PLCL1: variants seen among roughly 807,000 people sequenced by gnomAD.
PLCL1 encodes phospholipase C like 1 (inactive).
A neutral mutation model predicts 84.4 loss-of-function variants in PLCL1; 41 were observed. The ratio of observed to expected loss-of-function variants is 0.49; its 90% CI spans 0.38 to 0.63. The LOEUF is 0.63. PLCL1 is among the 30% of genes least tolerant of loss of function. PLCL1 has a pLI of 0.00. For synonymous variants in PLCL1, 490 were observed against 488.3 expected, an observed-to-expected ratio of 1.00 and a Z score of -0.05; for missense variants, 1,206 against 1,367.8, an observed-to-expected ratio of 0.88 and a Z score of 1.87.
chr2:197,868,694 A>G (rs1174031359), intron 1 of PLCL1, among the ~76,000 whole-genome samples: 1 of 148,256 alleles, frequency 6.7e-6, no homozygotes, highest in South Asian at 2.1e-4. Context: ...TTTAGTAGAG[A>G]TAAGGTCTCG....
At chr2:197,990,567 G>C (rs1009127267) in intron 1 of PLCL1, among the ~76,000 whole-genome samples, 1 of 152,206 alleles carries the variant, frequency 6.6e-6, no homozygotes, top group Non-Finnish European at 1.5e-5. Context: ...AGGCAAGAGA[G>C]AGTGTTCAGG....
intron 1 of PLCL1, among the ~76,000 whole-genome samples, chr2:198,000,751 T>A (rs1005513959): frequency 6.6e-6 from 1 of 151,932 alleles, no homozygotes; most frequent in African/African-American, 2.4e-5. Context: ...TTTTTTTTTT[T>A]ATCTTGGAGA....
At chr2:197,839,148 T>A (rs1050003114) in intron 1 of PLCL1, among the ~76,000 whole-genome samples, 30 of 152,170 alleles carry the variant, frequency 2.0e-4, no homozygotes, top group African/African-American at 6.0e-4. Context: ...CCTAAATATT[T>A]AAAAAGAAAA....
chr2:197,938,759 T>C (rs1325465782), intron 1 of PLCL1, among the ~76,000 whole-genome samples: 1 of 152,188 alleles, frequency 6.6e-6, no homozygotes, highest in African/African-American at 2.4e-5. Context: ...GTTTGTGTGA[T>C]TCAGAAGCCA....
At chr2:197,944,473 G>T (rs1689230442) in intron 1 of PLCL1, among the ~76,000 whole-genome samples, 1 of 152,122 alleles carries the variant, frequency 6.6e-6, no homozygotes, top group Non-Finnish European at 1.5e-5. Context: ...GGTGGTAGAG[G>T]TTACAACTTG....
intron 1 of PLCL1, among the ~76,000 whole-genome samples, chr2:197,902,426 C>T (rs2105737674): frequency 6.6e-6 from 1 of 152,282 alleles, no homozygotes; most frequent in Non-Finnish European, 1.5e-5. Context: ...TTGGGTTTGG[C>T]AGCTGTCAGT....
intron 5 of PLCL1, among the ~76,000 whole-genome samples, chr2:198,130,220 T>A (rs1409103014): frequency 6.6e-6 from 1 of 152,146 alleles, no homozygotes; most frequent in Non-Finnish European, 1.5e-5. Flanking sequence ...CCCCACTTCT[T>A]GCAACACTGC....
At chr2:197,867,889 G>A (rs1278877387) in intron 1 of PLCL1, among the ~76,000 whole-genome samples, 1 of 152,138 alleles carries the variant, frequency 6.6e-6, no homozygotes, top group Non-Finnish European at 1.5e-5. Flanking sequence ...GTATGCTGCT[G>A]TGTGCTGTAA....
At chr2:197,816,298 A>AT (rs112691010) in intron 1 of PLCL1, among the ~76,000 whole-genome samples, 1 of 152,122 alleles carries the variant, frequency 6.6e-6, no homozygotes, top group African/African-American at 2.4e-5. Flanking sequence ...GATCATTAGC[A>AT]TTTTTTAGCA....
rs557277504 is a variant in PLCL1 at position 197,893,918 on chromosome 2, C to T, written c.240+88579C>T. Among the ~76,000 whole-genome samples the T allele has an allele frequency of 4.6e-5, 7 of 152,000 alleles. No homozygotes were observed. The South Asian group carries it at 1.4e-3, about 31-fold the overall frequency. The stretch of plus-strand genomic sequence containing the variant: ...GACCCAGGCTCTTTGACTTTTTGCT[C>T]TGCCGTTTTGCATATGTTGACTTTC... On this transcript the variant is annotated intron_variant, in intron 1 of 5. Transcript: ENST00000428675.
intron 1 of PLCL1, among the ~76,000 whole-genome samples, chr2:197,878,782 A>G (rs896010322): frequency 6.6e-6 from 1 of 152,112 alleles, no homozygotes; most frequent in African/African-American, 2.4e-5. Context: ...AAGATTGTGC[A>G]TTATCAGGTT....
chr2:198,028,121 A>C (rs1045031981), intron 1 of PLCL1, among the ~76,000 whole-genome samples: 8 of 152,214 alleles, frequency 5.3e-5, no homozygotes, highest in Non-Finnish European at 5.9e-5. Flanking sequence ...GATTTCAGGC[A>C]TGAGCTGCCA....
intron 1 of PLCL1, among the ~76,000 whole-genome samples, chr2:197,862,644 T>G (rs566584674): frequency 6.6e-6 from 1 of 152,306 alleles, no homozygotes; most frequent in East Asian, 1.9e-4. Context: ...GGGAACACTT[T>G]AGTTGTAATA....
At chr2:197,810,397 A>T in intron 1 of PLCL1, 1 of 545,590 alleles carries the variant, frequency 1.8e-6, no homozygotes, top group Admixed American at 3.2e-5. Context: ...TATTATCAGA[A>T]TTTACAAAGT....
At chr2:197,842,063 T>G (rs1400885324) in intron 1 of PLCL1, among the ~76,000 whole-genome samples, 1 of 152,312 alleles carries the variant, frequency 6.6e-6, no homozygotes, top group Middle Eastern at 3.4e-3. Flanking sequence ...TCCAGATTTG[T>G]TTGGCCTCAT....
chr2:197,815,433 C>T (rs1205683967), intron 1 of PLCL1, among the ~76,000 whole-genome samples: 1 of 152,166 alleles, frequency 6.6e-6, no homozygotes, highest in Non-Finnish European at 1.5e-5. Context: ...CACCTGGTCA[C>T]CTAAGAGCTC....
At chr2:198,087,143 C>A (rs1692906925) in intron 2 of PLCL1, among the ~76,000 whole-genome samples, 1 of 152,112 alleles carries the variant, frequency 6.6e-6, no homozygotes, top group Admixed American at 6.5e-5. Flanking sequence ...GGTTCTTGAT[C>A]AAATCTATCC....
At chr2:198,122,782 T>C (rs1693897827) in intron 5 of PLCL1, among the ~76,000 whole-genome samples, 1 of 152,166 alleles carries the variant, frequency 6.6e-6, no homozygotes, top group Non-Finnish European at 1.5e-5. Context: ...TAAAATACAC[T>C]TAACAACAAA....
intron 1 of PLCL1, among the ~76,000 whole-genome samples, chr2:197,955,096 T>C (rs1013759460): frequency 1.7e-4 from 26 of 152,092 alleles, no homozygotes; most frequent in African/African-American, 5.8e-4. Flanking sequence ...TTCCCATTCC[T>C]ATACGCTTTA....
Sources: allele counts gnomAD v4.1 joint callset (sites outside exome capture counted in the v4.1 genomes callset), GRCh38; gene constraint gnomAD v4.1.1; transcripts MANE v1.5; gene names NCBI Gene and HGNC (gene_info 2026-07-23, HGNC 2026-07-21).